The following RPH3AL variants were observed in gnomAD, a reference collection of about 807,000 sequenced individuals.
The protein encoded by RPH3AL is rab effector Noc2.
In RPH3AL, 38 loss-of-function variants were observed where a neutral mutation model predicts 43.1. The ratio of observed to expected loss-of-function variants is 0.88; its 90% CI spans 0.68 to 1.15. The LOEUF is 1.15. RPH3AL is among the 50% of genes most tolerant of loss of function. The probability of loss-of-function intolerance (pLI) is 0.00; values close to 1 mark genes in which losing one functional copy is unlikely to be tolerated. For synonymous variants in RPH3AL, 189 were observed against 176.3 expected, an observed-to-expected ratio of 1.07 and a Z score of -0.57; for missense variants, 462 against 423.2, an observed-to-expected ratio of 1.09 and a Z score of -0.81.
intron 1 of RPH3AL, chr17:339,552 G>A (rs1364074944): frequency 6.6e-6 from 1 of 152,276 alleles, no homozygotes; most frequent in African/African-American, 2.4e-5. Context: ...ATCATCACAA[G>A]CCCCAGAGGA....
chr17:259,201 G>A (rs565562989), intron 6 of RPH3AL, among the ~76,000 whole-genome samples: 42 of 152,320 alleles, frequency 2.8e-4, no homozygotes, highest in Admixed American at 3.3e-4. Flanking sequence ...CTGGACCAGC[G>A]TGAGGAGCAG....
At chr17:305,495 G>A (rs949473839) in intron 5 of RPH3AL, among the ~76,000 whole-genome samples, 2 of 152,080 alleles carry the variant, frequency 1.3e-5, no homozygotes, top group African/African-American at 4.8e-5. Context: ...AAGGTTACAG[G>A]TCGGTTCCTT....
At chr17:281,885 A>G (rs2042789813) in intron 5 of RPH3AL, 31 bp from the exon 6 acceptor site, 1 of 1,563,112 alleles carries the variant, frequency 6.4e-7, no homozygotes, top group Non-Finnish European at 8.8e-7. Context: ...GGTTGTAAAG[A>G]TTGCAGCCGC....
chr17:297,935 CG>C lies in RPH3AL; in HGVS notation c.352-16082del, dbSNP rs996806625. 1.2e-3 allele frequency among the ~76,000 whole-genome samples: 177 copies of C among 152,288 alleles called. 1 individual carries two copies. The highest frequency in any genetic ancestry group is 4.0e-3 in the African/African-American group (166 of 41,556). ...GGGAGAGAGGCAAGAAAATGACACA[CG>C]GACGAACATGCAAACTTCCCTCCCT... On this transcript the variant is annotated intron_variant, in intron 5 of 9. Coordinates refer to ENST00000331302, the MANE Select transcript of RPH3AL (RefSeq NM_006987.4).
chr17:256,192 C>T (rs377061517), intron 6 of RPH3AL, among the ~76,000 whole-genome samples: 1 of 64,772 alleles, frequency 1.5e-5, no homozygotes, highest in African/African-American at 3.9e-5. Context: ...GGGAGCTGCA[C>T]GGCGTCTGTC....
At chr17:269,560 G>C (rs2042413342) in intron 6 of RPH3AL, among the ~76,000 whole-genome samples, 1 of 152,180 alleles carries the variant, frequency 6.6e-6, no homozygotes, top group Non-Finnish European at 1.5e-5. Context: ...GACGCATCCG[G>C]CTTCATCCCT....
rs1555539929 is a variant in RPH3AL at position 246,225 on chromosome 17, T to A, written c.613+886A>T. ...GCCCCTGAGAAGCGGCCGCCAGGTC[T>A]ATTGTGATGGGTCCACTTCCTCCAA... On this transcript the variant is annotated intron_variant, in intron 7 of 9. Transcript: ENST00000331302. This position sits in a 1 kb window ranked among gnomAD's most constrained non-coding sequence, Gnocchi z 4.8. 6.6e-6 allele frequency among the ~76,000 whole-genome samples: 1 copy of A among 152,128 alleles called. No individual in the cohort carries two copies. Among genetic ancestry groups the A allele is most frequent in the Non-Finnish European group, 1.5e-5 (1 of 68,018 alleles).
At chr17:314,119 C>A (rs1158752028) in intron 5 of RPH3AL, among the ~76,000 whole-genome samples, 1 of 152,194 alleles carries the variant, frequency 6.6e-6, no homozygotes, top group East Asian at 1.9e-4. Flanking sequence ...CTCCAAGGAG[C>A]ACCTGTACTA....
At position 311,396 on chromosome 17, in the gene RPH3AL, C is replaced by T. The variant is rs867724930; in HGVS notation, c.351+8024G>A. Among the ~76,000 whole-genome samples, 3 of 152,182 alleles carry T rather than the reference C, an allele frequency of 2.0e-5. No homozygotes were observed. The East Asian group carries it at 5.8e-4, about 29-fold the overall frequency. Reference sequence around the variant, plus strand: ...GCCTCAGCCTGTGTGGTCTTCCCCTCCCCGGATGCCCTTCCCTCTGCCCTC... The same window carrying T: ...GCCTCAGCCTGTGTGGTCTTCCCCTTCCCGGATGCCCTTCCCTCTGCCCTC... On this transcript the variant is annotated intron_variant, in intron 5 of 9. Transcript: ENST00000331302.
At chr17:241,721 C>CTTTTTTTTTTTTTTTTT (rs58397357) in intron 7 of RPH3AL, among the ~76,000 whole-genome samples, 1 of 134,008 alleles carries the variant, frequency 7.5e-6, no homozygotes, top group Non-Finnish European at 1.6e-5. Context: ...CTTTTTTTTT[C>CTTTTTTTTTTTTTTTTT]TTTTTTTTTT....
At chr17:332,730 C>T (rs968475964) in intron 2 of RPH3AL, 3 of 279,192 alleles carry the variant, frequency 1.1e-5, no homozygotes, top group South Asian at 7.4e-5. Context: ...AAGGCAGCTC[C>T]ACCTGACGGC....
intron 5 of RPH3AL, among the ~76,000 whole-genome samples, chr17:316,850 C>T (rs528036017): frequency 1.8e-3 from 274 of 151,514 alleles, no homozygotes; most frequent in African/African-American, 6.1e-3. Flanking sequence ...GACTCCACCT[C>T]CAGTGATGTG....
At chr17:340,590 A>T (rs1281245294) in intron 1 of RPH3AL, among the ~76,000 whole-genome samples, 1 of 764 alleles carries the variant, frequency 1.3e-3, no homozygotes, top group Non-Finnish European at 2.6e-3. Flanking sequence ...ACTGCCCCCC[A>T]CCCAGGCCTC....
rs1351847986 is a variant in RPH3AL, at chr17:323,896, G to C, written c.78-2481C>G. On this transcript the variant is annotated intron_variant, in intron 3 of 9. Transcript: ENST00000331302. The surrounding 1 kb of genome is among the most constrained non-coding windows in gnomAD (Gnocchi z 4.4). Reference sequence around the variant, plus strand: ...TCAGTCACCCCCCAAGGCAGGCCCAGACCCTTACAGTCACCCGGTGAGGTG... The same window carrying C: ...TCAGTCACCCCCCAAGGCAGGCCCACACCCTTACAGTCACCCGGTGAGGTG... Among the ~76,000 whole-genome samples, 1 of 150,690 alleles carries C rather than the reference G, an allele frequency of 6.6e-6. No homozygotes were observed. Among genetic ancestry groups the C allele is most frequent in the East Asian group, 2.0e-4 (1 of 5,120 alleles).
chr17:320,499 G>A (rs1567520252), intron 4 of RPH3AL, among the ~76,000 whole-genome samples: 1 of 152,012 alleles, frequency 6.6e-6, no homozygotes, highest in Non-Finnish European at 1.5e-5. Flanking sequence ...AAAATAGCTG[G>A]GTGTGGTGGT....
chr17:341,873 T>C (rs2045129007), intron 1 of RPH3AL, among the ~76,000 whole-genome samples: 1 of 152,146 alleles, frequency 6.6e-6, no homozygotes, highest in Non-Finnish European at 1.5e-5. Context: ...TGTAAATCTG[T>C]CATAATTTAC....
chr17:266,349 C>T (rs547080336), intron 6 of RPH3AL, among the ~76,000 whole-genome samples: 2 of 152,160 alleles, frequency 1.3e-5, no homozygotes, highest in East Asian at 3.9e-4. Context: ...AGAAAGCCCC[C>T]GTCATCCCTG....
Position 247,301 on chromosome 17 carries a change from G to C in RPH3AL, c.439-16C>G, listed in dbSNP as rs1555540579. 1 of 1,552,666 alleles carries C rather than the reference G, an allele frequency of 6.4e-7. No homozygotes were observed. The highest frequency in any genetic ancestry group is 1.2e-5 in the South Asian group (1 of 81,722). ...TCTTCCAGACCTGAGTGGGGGAAGA[G>C]AGCTGCTTGGGGCACAGGACGCAGA... On this transcript the variant is annotated splice_polypyrimidine_tract_variant and intron_variant, in intron 6 of 9. Coordinates refer to ENST00000331302, the MANE Select transcript of RPH3AL (RefSeq NM_006987.4).
chr17:281,907 C>T, intron 5 of RPH3AL, 53 bp from the exon 6 acceptor site: 1 of 1,379,530 alleles, frequency 7.2e-7, no homozygotes, highest in Non-Finnish European at 1.0e-6. Flanking sequence ...TCCTCCTCCG[C>T]CGAGGGGCTC....
Sources: gnomAD v4.1 joint callset for allele counts (sites outside exome capture counted in the v4.1 genomes callset) on GRCh38, gnomAD v4.1.1 for gene constraint, Gnocchi (gnomAD v3.1) non-coding constraint, MANE v1.5 for transcripts, NCBI Gene and HGNC (gene_info 2026-07-23, HGNC 2026-07-21) for gene names.